Variants in TSHZ2 observed in about 807,000 individuals in gnomAD.
TSHZ2 encodes teashirt zinc finger homeobox 2.
In TSHZ2, 21 loss-of-function variants were observed where a neutral mutation model predicts 74.4. That is an observed-to-expected ratio of 0.28 (90% CI 0.20 to 0.41). The LOEUF (loss-of-function observed/expected upper bound fraction) is 0.41, where lower values mean the gene tolerates loss of function less well. Among genes scored for constraint, TSHZ2 ranks in the 10% least tolerant of loss-of-function variants. The pLI is 1.00. For synonymous variants in TSHZ2, 540 were observed against 515.3 expected, an observed-to-expected ratio of 1.05 and a Z score of -0.65; for missense variants, 1,244 against 1,293.5, an observed-to-expected ratio of 0.96 and a Z score of 0.59.
intron 1 of TSHZ2, among the ~76,000 whole-genome samples, chr20:53,250,615 C>A (rs532642652): frequency 2.0e-5 from 3 of 152,188 alleles, no homozygotes; most frequent in Admixed American, 1.3e-4. Flanking sequence ...TTAGTCGGCT[C>A]TGCAGAGGAA....
At chr20:53,396,650 C>T (rs1982458843) in intron 2 of TSHZ2, among the ~76,000 whole-genome samples, 1 of 151,978 alleles carries the variant, frequency 6.6e-6, no homozygotes, top group Admixed American at 6.6e-5. Context: ...AGTTCAAGAC[C>T]AGCCTGGGCA....
chr20:53,390,080 G>C (rs201813), intron 2 of TSHZ2, among the ~76,000 whole-genome samples: 2 of 152,138 alleles, frequency 1.3e-5, no homozygotes, highest in Non-Finnish European at 2.9e-5. Context: ...CAGAGAGAGC[G>C]ACTTTAGGGA....
intron 2 of TSHZ2, among the ~76,000 whole-genome samples, chr20:53,380,495 A>G: frequency 6.6e-6 from 1 of 152,228 alleles, no homozygotes; most frequent in East Asian, 1.9e-4. Context: ...GTTGCTTCCC[A>G]AATGGCTGAG....
intron 2 of TSHZ2, among the ~76,000 whole-genome samples, chr20:53,376,463 A>T (rs1981660369): frequency 6.6e-6 from 1 of 152,230 alleles, no homozygotes; most frequent in Non-Finnish European, 1.5e-5. Flanking sequence ...CCTCAAGATA[A>T]CAAAGATATT....
At chr20:53,414,996 G>T in intron 2 of TSHZ2, among the ~76,000 whole-genome samples, 1 of 152,278 alleles carries the variant, frequency 6.6e-6, no homozygotes, top group South Asian at 2.1e-4. Flanking sequence ...TGAGGACAGG[G>T]CCTGTCATAT....
chr20:53,151,791 T>A (rs556340264), intron 1 of TSHZ2, among the ~76,000 whole-genome samples: 7 of 152,336 alleles, frequency 4.6e-5, no homozygotes, highest in East Asian at 1.9e-4. Context: ...AAGTTATTTT[T>A]AAATTTTATA....
At chr20:53,367,031 T>G (rs759756609) in intron 2 of TSHZ2, among the ~76,000 whole-genome samples, 10 of 152,162 alleles carry the variant, frequency 6.6e-5, no homozygotes, top group Non-Finnish European at 1.5e-4. Context: ...TAGCTGATAC[T>G]CTTAACTAGC....
At chr20:53,475,618 C>G (rs1444524292) in intron 2 of TSHZ2, among the ~76,000 whole-genome samples, 1 of 125,792 alleles carries the variant, frequency 7.9e-6, no homozygotes, top group African/African-American at 3.3e-5. Context: ...CAAGAGCAAA[C>G]ACATTCAAAA....
intron 2 of TSHZ2, among the ~76,000 whole-genome samples, chr20:53,485,967 A>G (rs2145862694): frequency 6.6e-6 from 1 of 152,330 alleles, no homozygotes; most frequent in South Asian, 2.1e-4. Flanking sequence ...TTGTACAAAC[A>G]TAACAATGTC....
At chr20:53,096,181 G>T (rs1282718225) in intron 1 of TSHZ2, among the ~76,000 whole-genome samples, 3 of 152,138 alleles carry the variant, frequency 2.0e-5, no homozygotes. Context: ...TCACTCTGTT[G>T]CACAGGCTGG....
At chr20:53,045,480 T>C (rs1984194069) in intron 1 of TSHZ2, among the ~76,000 whole-genome samples, 1 of 152,232 alleles carries the variant, frequency 6.6e-6, no homozygotes, top group African/African-American at 2.4e-5. Context: ...ACAATATGCA[T>C]GGTGTAGGAA....
chr20:53,051,553 A>C (rs903268236), intron 1 of TSHZ2, among the ~76,000 whole-genome samples: 2 of 151,506 alleles, frequency 1.3e-5, no homozygotes, highest in Non-Finnish European at 2.9e-5. Flanking sequence ...GCTGTAGAGA[A>C]CTAAAGAAAA....
intron 2 of TSHZ2, among the ~76,000 whole-genome samples, chr20:53,366,144 G>A (rs892024482): frequency 6.6e-6 from 1 of 152,180 alleles, no homozygotes; most frequent in African/African-American, 2.4e-5. Context: ...GAAAAAGAGA[G>A]TTATTTGGAT....
chr20:53,020,771 A>C (rs768709241), intron 1 of TSHZ2, among the ~76,000 whole-genome samples: 1 of 152,200 alleles, frequency 6.6e-6, no homozygotes. Context: ...TTCTGGATAA[A>C]GAATCTGATA....
intron 2 of TSHZ2, among the ~76,000 whole-genome samples, chr20:53,354,059 A>G (rs138630082): frequency 2.0e-5 from 3 of 152,368 alleles, no homozygotes; most frequent in African/African-American, 7.2e-5. Context: ...CGTCGTAGGC[A>G]CCATTGCCAG....
At chr20:53,088,611 AT>A (rs921948329) in intron 1 of TSHZ2, among the ~76,000 whole-genome samples, 31 of 152,322 alleles carry the variant, frequency 2.0e-4, no homozygotes, top group Non-Finnish European at 2.5e-4. Context: ...CTAAATTCAT[AT>A]TTTTTTGAAG....
intron 1 of TSHZ2, among the ~76,000 whole-genome samples, chr20:53,193,401 C>G (rs527889287): frequency 1.3e-5 from 2 of 152,152 alleles, no homozygotes; most frequent in Non-Finnish European, 2.9e-5. Flanking sequence ...GGCTCTGCAC[C>G]CAGGCAGTGG....
chr20:53,192,270 G>A (rs1291568126), intron 1 of TSHZ2, among the ~76,000 whole-genome samples: 2 of 148,484 alleles, frequency 1.3e-5, no homozygotes, highest in African/African-American at 5.0e-5. Flanking sequence ...TGAGATCCAC[G>A]CTGTTCTAAC....
intron 1 of TSHZ2, among the ~76,000 whole-genome samples, chr20:52,981,005 T>C (rs1361003599): frequency 6.6e-6 from 1 of 152,220 alleles, no homozygotes; most frequent in Non-Finnish European, 1.5e-5. Flanking sequence ...TCAAATCTAT[T>C]CTATGTGCAC....
Sources: allele counts gnomAD v4.1 joint callset (sites outside exome capture counted in the v4.1 genomes callset), GRCh38; gene constraint gnomAD v4.1.1; transcripts MANE v1.5; gene names NCBI Gene and HGNC (gene_info 2026-07-23, HGNC 2026-07-21).